The following ZNF536 variants were observed in gnomAD, a reference collection of about 807,000 sequenced individuals.
ZNF536 encodes the protein zinc finger protein 536.
ZNF536 carries 13 observed loss-of-function variants against 84.5 expected under a neutral mutation model. The observed-to-expected ratio is 0.15, with a 90% confidence interval of 0.10 to 0.24. ZNF536 has a LOEUF of 0.24. Among genes scored for constraint, ZNF536 ranks in the 10% least tolerant of loss-of-function variants. ZNF536 has a pLI of 1.00. For missense variants in ZNF536, 1,536 were observed against 1,747.5 expected (o/e 0.88, Z 2.16); for synonymous variants, 811 against 742.5 (o/e 1.09, Z -1.50).
At chr19:30,594,921 G>C (rs1239816828) in intron 1 of ZNF536, among the ~76,000 whole-genome samples, 2 of 152,086 alleles carry the variant, frequency 1.3e-5, no homozygotes, top group Non-Finnish European at 2.9e-5. Flanking sequence ...TGCCCCGAAG[G>C]CCAACCCAGG....
chr19:30,320,085 C>T (rs987323313), intron 2 of ZNF536, among the ~76,000 whole-genome samples: 1 of 152,190 alleles, frequency 6.6e-6, no homozygotes, highest in African/African-American at 2.4e-5. Context: ...TGGCAATCCC[C>T]ATGTTCTGAC....
intron 2 of ZNF536, among the ~76,000 whole-genome samples, chr19:30,446,823 A>G (rs1172707036): frequency 7.5e-6 from 1 of 133,104 alleles, no homozygotes; most frequent in African/African-American, 2.8e-5. Flanking sequence ...AACAACAACA[A>G]CAACAACAAC....
intron 1 of ZNF536, among the ~76,000 whole-genome samples, chr19:30,595,047 C>T (rs372339726): frequency 1.3e-5 from 2 of 151,118 alleles, no homozygotes; most frequent in African/African-American, 4.9e-5. Context: ...CTGCAGTGGG[C>T]ACCGCACAGA....
At chr19:30,459,026 C>G (rs948735609) in intron 2 of ZNF536, among the ~76,000 whole-genome samples, 1 of 152,210 alleles carries the variant, frequency 6.6e-6, no homozygotes, top group Non-Finnish European at 1.5e-5. Context: ...AAGGGCTCCT[C>G]AGCCTCTCTG....
At chr19:30,508,628 C>T (rs2055271020) in intron 2 of ZNF536, among the ~76,000 whole-genome samples, 1 of 151,784 alleles carries the variant, frequency 6.6e-6, no homozygotes, top group African/African-American at 2.4e-5. Flanking sequence ...TTCTAAGAGG[C>T]CTACAACAGA....
At chr19:30,464,275 A>G (rs781371236) in intron 2 of ZNF536, among the ~76,000 whole-genome samples, 3 of 152,092 alleles carry the variant, frequency 2.0e-5, no homozygotes, top group African/African-American at 4.8e-5. Context: ...GACTGAGTTT[A>G]CCACAAGGCA....
chr19:30,484,799 T>G (rs532996003), intron 2 of ZNF536, among the ~76,000 whole-genome samples: 11 of 152,000 alleles, frequency 7.2e-5, no homozygotes, highest in East Asian at 1.9e-4. Flanking sequence ...CTCTTCTTTG[T>G]TATAAGGATT....
At chr19:30,239,098 A>G (rs2023753422) in intron 1 of ZNF536, among the ~76,000 whole-genome samples, 1 of 152,170 alleles carries the variant, frequency 6.6e-6, no homozygotes, top group African/African-American at 2.4e-5. Flanking sequence ...TCCCAAATCT[A>G]TGACAAAAGA....
At chr19:30,709,801 TACAG>T (rs893806633) in intron 1 of ZNF536, among the ~76,000 whole-genome samples, 1 of 152,086 alleles carries the variant, frequency 6.6e-6, no homozygotes, top group Non-Finnish European at 1.5e-5. Context: ...ATTTTTTTTG[TACAG>T]ACAGTCTCAC....
intron 1 of ZNF536, among the ~76,000 whole-genome samples, chr19:30,266,022 C>T (rs1426396786): frequency 2.0e-5 from 3 of 152,044 alleles, no homozygotes; most frequent in African/African-American, 7.2e-5. Context: ...TCCCAAGGAG[C>T]TAGAACTACA....
intron 2 of ZNF536, among the ~76,000 whole-genome samples, chr19:30,509,176 A>G (rs1279827567): frequency 2.7e-5 from 4 of 148,416 alleles, no homozygotes; most frequent in Non-Finnish European, 6.0e-5. Flanking sequence ...TTTTTTCCAA[A>G]AGTAACTGAA....
chr19:30,517,380 G>A (rs1017635696), intron 2 of ZNF536, among the ~76,000 whole-genome samples: 1 of 152,094 alleles, frequency 6.6e-6, no homozygotes, highest in African/African-American at 2.4e-5. Context: ...AATTCAGAGA[G>A]ATGCCTGCAG....
chr19:30,401,975 A>G (rs191347015), intron 1 of ZNF536, among the ~76,000 whole-genome samples: 13 of 152,366 alleles, frequency 8.5e-5, no homozygotes, highest in Admixed American at 8.5e-4. Context: ...TTAAATGTTA[A>G]TTGGTCCAAC....
chr19:30,238,454 C>T (rs922783142), intron 1 of ZNF536, among the ~76,000 whole-genome samples: 1 of 151,144 alleles, frequency 6.6e-6, no homozygotes, highest in East Asian at 1.9e-4. Context: ...CACACACACA[C>T]ACACAATCAC....
At position 30,548,388 on chromosome 19, in the gene ZNF536, C is replaced by T; in HGVS notation, c.2769C>T (p.Asp923=). ...AAGGGTCCTTGCAAGCTTTCATGGA[C>T]AGTTTTGTCCTCAGTTCCTTGAAGA... ...NFQGSLQAFM[D]SFVLSSLKKE... is the part of the protein sequence containing the mutation. The change falls in exon 4 of 5, where the codon GAC becomes GAT. Residue 923 remains aspartate (D), a synonymous_variant. Transcript: ENST00000355537. 1 of 1,614,126 alleles carries T rather than the reference C, an allele frequency of 6.2e-7. No homozygotes were observed. Among genetic ancestry groups the T allele is most frequent in the Non-Finnish European group, 8.5e-7 (1 of 1,180,028 alleles).
chr19:30,246,589 A>G (rs1224934740), intron 1 of ZNF536, among the ~76,000 whole-genome samples: 1 of 152,042 alleles, frequency 6.6e-6, no homozygotes, highest in Admixed American at 6.5e-5. Context: ...TCCCCACCCC[A>G]CAAGAGGTCT....
intron 1 of ZNF536, among the ~76,000 whole-genome samples, chr19:30,675,278 T>C (rs1218328692): frequency 2.0e-5 from 3 of 152,180 alleles, no homozygotes; most frequent in Admixed American, 6.5e-5. Flanking sequence ...GCAAATGGAT[T>C]TGCCCTTGAG....
intron 2 of ZNF536, among the ~76,000 whole-genome samples, chr19:30,312,886 C>T (rs1014696358): frequency 3.9e-5 from 6 of 152,212 alleles, no homozygotes; most frequent in South Asian, 2.1e-4. Flanking sequence ...TTGCTGGGAC[C>T]GTTTCCTCTT....
intron 2 of ZNF536, among the ~76,000 whole-genome samples, chr19:30,486,345 T>G (rs1258003985): frequency 1.3e-5 from 2 of 152,220 alleles, no homozygotes; most frequent in African/African-American, 4.8e-5. Flanking sequence ...AGTGAGAACA[T>G]GCAGTGTTTG....
Sources: gnomAD v4.1 joint callset for allele counts (sites outside exome capture counted in the v4.1 genomes callset) on GRCh38, gnomAD v4.1.1 for gene constraint, MANE v1.5 for transcripts, NCBI Gene and HGNC (gene_info 2026-07-23, HGNC 2026-07-21) for gene names.